The following KCNS3 variants were observed in gnomAD, a reference collection of about 807,000 sequenced individuals.
KCNS3 encodes the protein delayed-rectifier potassium channel regulatory subunit KCNS3.
Under a neutral mutation model 31.0 loss-of-function variants are expected in KCNS3, and 13 were observed. The ratio of observed to expected loss-of-function variants is 0.42; its 90% confidence interval spans 0.27 to 0.67. The LOEUF (loss-of-function observed/expected upper bound fraction) is 0.67, where lower values mean the gene tolerates loss of function less well. KCNS3 is among the 30% of genes least tolerant of loss of function. The pLI, the probability that KCNS3 is intolerant of heterozygous loss-of-function variation, is 0.25. For synonymous variants in KCNS3, 238 were observed against 241.5 expected (o/e 0.99, Z 0.13); for missense variants, 545 against 622.4 (o/e 0.88, Z 1.32).
At chr2:17,909,394 C>T (rs1662418660) in intron 1 of KCNS3, among the ~76,000 whole-genome samples, 1 of 152,158 alleles carries the variant, frequency 6.6e-6, no homozygotes, top group East Asian at 1.9e-4. Flanking sequence ...TTCCCTGACC[C>T]TTTGTTCTTC....
upstream of KCNS3, chr2:17,878,620 C>A (rs965799972): frequency 2.0e-5 from 3 of 147,820 alleles, no homozygotes; most frequent in Non-Finnish European, 4.5e-5. Context: ...CCCCGCCCCG[C>A]CCGCAGCTCC....
intron 1 of KCNS3, among the ~76,000 whole-genome samples, chr2:17,898,290 CT>C (rs1662080542): frequency 7.1e-6 from 1 of 140,456 alleles, no homozygotes; most frequent in East Asian, 2.1e-4. Context: ...TATTCAGGCT[CT>C]TTTTTTGGTT....
chr2:17,927,279 C>T (rs1003425261), intron 2 of KCNS3, among the ~76,000 whole-genome samples: 2 of 152,200 alleles, frequency 1.3e-5, no homozygotes, highest in African/African-American at 4.8e-5. Context: ...TGGCCAAAAC[C>T]ACTCAACAAG....
At chr2:17,912,234 T>A (rs1277092802) in intron 1 of KCNS3, among the ~76,000 whole-genome samples, 1 of 152,250 alleles carries the variant, frequency 6.6e-6, no homozygotes, top group African/African-American at 2.4e-5. Flanking sequence ...TGCTATGATG[T>A]CCTCCAGAAA....
At chr2:17,926,147 A>T (rs1054224719) in intron 2 of KCNS3, among the ~76,000 whole-genome samples, 2 of 152,190 alleles carry the variant, frequency 1.3e-5, no homozygotes, top group Non-Finnish European at 2.9e-5. Flanking sequence ...CTCCTAAATG[A>T]TCTCCTTTTA....
At chr2:17,885,364 G>A (rs533348701) in intron 1 of KCNS3, among the ~76,000 whole-genome samples, 1 of 152,262 alleles carries the variant, frequency 6.6e-6, no homozygotes, top group Non-Finnish European at 1.5e-5. Context: ...GATAAGAGAG[G>A]TACATCTGGT....
At chr2:17,916,683 TG>T (rs1662594245) in intron 1 of KCNS3, among the ~76,000 whole-genome samples, 1 of 152,170 alleles carries the variant, frequency 6.6e-6, no homozygotes, top group African/African-American at 2.4e-5. Context: ...GCTATTCACT[TG>T]TTTATTTGGT....
At position 17,878,753 on chromosome 2, in the gene KCNS3, C is replaced by T. The variant is rs1429758220; in HGVS notation, c.-305C>T. On this transcript the variant is annotated 5_prime_UTR_variant, in exon 1 of 3. Coordinates refer to ENST00000304101, the MANE Select transcript of KCNS3 (RefSeq NM_002252.5). ...GCCGCGAGGCCTGATCCCTGCAGCG[C>T]GGGCAGGCGGCGTCGCAGAGCGGAG... is the stretch of plus-strand genomic sequence containing the variant. The T allele has an allele frequency of 1.3e-5, 2 of 151,770 alleles. No individual in the cohort carries two copies. The highest frequency in any genetic ancestry group is 2.4e-5 in the African/African-American group (1 of 41,400). The allele number at this position is 151,770 out of a possible 1,614,324, so 9.4% of individuals were successfully genotyped here.
At chr2:17,925,497 G>A (rs1662815910) in intron 2 of KCNS3, among the ~76,000 whole-genome samples, 1 of 152,164 alleles carries the variant, frequency 6.6e-6, no homozygotes, top group Admixed American at 6.5e-5. Flanking sequence ...AATTTAGAAA[G>A]AAAAGAGATT....
intron 2 of KCNS3, among the ~76,000 whole-genome samples, chr2:17,927,408 A>G (rs1662862299): frequency 6.6e-6 from 1 of 152,164 alleles, no homozygotes; most frequent in South Asian, 2.1e-4. Context: ...GGGTATCTTT[A>G]TAGCAGTACC....
chr2:17,897,175 T>A (rs965404290), intron 1 of KCNS3, among the ~76,000 whole-genome samples: 8 of 152,196 alleles, frequency 5.3e-5, no homozygotes, highest in Admixed American at 4.6e-4. Flanking sequence ...GTTAATTCTC[T>A]TAGGATAATG....
At chr2:17,884,269 ATATAT>A (rs1388885865) in intron 1 of KCNS3, among the ~76,000 whole-genome samples, 2,228 of 35,348 alleles carry the variant, frequency 0.063, 30 homozygotes, top group Non-Finnish European at 0.094. Context: ...AAAAAAAAAA[ATATAT>A]ATATATATAT....
At chr2:17,916,828 CTTT>C (rs11296020) in intron 1 of KCNS3, among the ~76,000 whole-genome samples, 2 of 146,678 alleles carry the variant, frequency 1.4e-5, no homozygotes, top group Non-Finnish European at 1.5e-5. Flanking sequence ...GCCAGAGGCA[CTTT>C]TTTTTTTTTT....
At chr2:17,901,847 C>T (rs1662183400) in intron 1 of KCNS3, among the ~76,000 whole-genome samples, 1 of 152,106 alleles carries the variant, frequency 6.6e-6, no homozygotes, top group East Asian at 1.9e-4. Context: ...GTGTTCTTGA[C>T]AAACTAGGTG....
chr2:17,921,915 G>GTATATATATATA (rs56064218), intron 2 of KCNS3, among the ~76,000 whole-genome samples: 69 of 32,744 alleles, frequency 2.1e-3, no homozygotes, highest in Admixed American at 3.1e-3. Flanking sequence ...GTGTGTGTGT[G>GTATATATATATA]TATATATATA....
chr2:17,921,990 G>A (rs929026832), intron 2 of KCNS3, among the ~76,000 whole-genome samples: 3 of 139,678 alleles, frequency 2.1e-5, no homozygotes, highest in African/African-American at 8.1e-5. Flanking sequence ...GCATTTGGCT[G>A]GTTAGAATCA....
intron 1 of KCNS3, among the ~76,000 whole-genome samples, chr2:17,892,666 G>T (rs1350738658): frequency 6.6e-6 from 1 of 152,062 alleles, no homozygotes; most frequent in Non-Finnish European, 1.5e-5. Flanking sequence ...CTATGAATGT[G>T]GCTTCCTGTG....
chr2:17,907,385 C>T (rs758165962), intron 1 of KCNS3, among the ~76,000 whole-genome samples: 11 of 152,170 alleles, frequency 7.2e-5, no homozygotes, highest in African/African-American at 1.2e-4. Context: ...CTGAATACAG[C>T]GCACTGATGG....
rs151225864 is a variant in KCNS3 at position 17,932,136 on chromosome 2, C to T, written c.1128C>T (p.Thr376=). 3.6e-5 allele frequency: 58 copies of T among 1,614,048 alleles called. No individual in the cohort carries two copies. The African/African-American group carries it at 7.2e-4, about 20-fold the overall frequency. The change falls in exon 3 of 3, where the codon ACC becomes ACT. Residue 376 remains threonine (T), a synonymous_variant. Transcript: ENST00000304101. Reference sequence around the variant, plus strand: ...TGACAACTGTGGGCTATGGAGACACCCACCCGGTCACCTTGGCGGGAAAGC... The same window carrying T: ...TGACAACTGTGGGCTATGGAGACACTCACCCGGTCACCTTGGCGGGAAAGC... The part of the protein sequence containing the change: ...ISMTTVGYGD[T]HPVTLAGKLI...
Sources: gnomAD v4.1 joint callset for allele counts (sites outside exome capture counted in the v4.1 genomes callset) on GRCh38, gnomAD v4.1.1 for gene constraint, MANE v1.5 for transcripts, NCBI Gene and HGNC (gene_info 2026-07-23, HGNC 2026-07-21) for gene names.